The following TBC1D9 variants were observed in gnomAD, a reference collection of about 807,000 sequenced individuals.
The protein encoded by TBC1D9 is TBC1 domain family member 9A.
Under a neutral mutation model 132.0 loss-of-function variants are expected in TBC1D9, and 63 were observed. The ratio of observed to expected loss-of-function variants is 0.48; its 90% CI spans 0.39 to 0.59. The LOEUF (loss-of-function observed/expected upper bound fraction) is 0.59. TBC1D9 is among the 20% of genes least tolerant of loss of function. TBC1D9 has a pLI of 0.00. For missense variants in TBC1D9, 1,261 were observed against 1,592.7 expected (o/e 0.79, Z 3.54); for synonymous variants, 610 against 609.9 (o/e 1.00, Z 0.00).
At chr4:140,716,349 G>C (rs1738334147) in intron 1 of TBC1D9, among the ~76,000 whole-genome samples, 1 of 152,080 alleles carries the variant, frequency 6.6e-6, no homozygotes, top group South Asian at 2.1e-4. Context: ...AAATCAGCTG[G>C]GTGTAGTGGA....
At chr4:140,749,438 A>G (rs1738888286) in intron 1 of TBC1D9, among the ~76,000 whole-genome samples, 1 of 152,136 alleles carries the variant, frequency 6.6e-6, no homozygotes, top group African/African-American at 2.4e-5. Context: ...AGTATAAAGC[A>G]CTTAATAAAA....
intron 18 of TBC1D9, among the ~76,000 whole-genome samples, chr4:140,625,134 T>C (rs1350922560): frequency 6.6e-6 from 1 of 152,184 alleles, no homozygotes; most frequent in East Asian, 1.9e-4. Flanking sequence ...TGAATGTTGA[T>C]TTCTCTCCTG....
At chr4:140,736,771 A>C (rs1204257433) in intron 1 of TBC1D9, among the ~76,000 whole-genome samples, 1 of 152,164 alleles carries the variant, frequency 6.6e-6, no homozygotes, top group Non-Finnish European at 1.5e-5. Flanking sequence ...TTCAATCAGA[A>C]CTGTACAATG....
chr4:140,654,247 G>A (rs1270760774), intron 13 of TBC1D9, among the ~76,000 whole-genome samples: 1 of 152,186 alleles, frequency 6.6e-6, no homozygotes, highest in Non-Finnish European at 1.5e-5. Context: ...GGGTCGGGTT[G>A]TACAATCTAA....
At chr4:140,728,636 G>A (rs1461178279) in intron 1 of TBC1D9, among the ~76,000 whole-genome samples, 1 of 151,748 alleles carries the variant, frequency 6.6e-6, no homozygotes, top group African/African-American at 2.4e-5. Context: ...TGGGAAGCTG[G>A]GATTACAGGT....
intron 13 of TBC1D9, among the ~76,000 whole-genome samples, chr4:140,653,763 C>T (rs764612007): frequency 2.4e-4 from 37 of 152,148 alleles, no homozygotes; most frequent in Non-Finnish European, 4.0e-4. Context: ...CTAGTTATCA[C>T]GCACTGAAAG....
rs1263964542 is a variant in TBC1D9, at chr4:140,645,399, G to C, written c.2338-5971C>G. 1.1e-5 allele frequency: 5 copies of C among 458,922 alleles called. No homozygotes were observed. In the East Asian group the frequency reaches 3.4e-4, roughly 31 times the overall value. The allele number at this position is 458,922 out of a possible 1,614,324, so 28.4% of individuals were successfully genotyped here. A position where few individuals can be genotyped will look rare whatever the true frequency, so the allele number is the denominator to read the frequency against. On this transcript the variant is annotated intron_variant, in intron 13 of 20. Coordinates refer to ENST00000442267, the MANE Select transcript of TBC1D9 (RefSeq NM_015130.3). ...CACTTCTGCTTCACCCTGGACACCA[G>C]AGCCCGCGCATCCAAATGCCTTGGC...
In TBC1D9 at chr4:140,755,786, TACA is replaced by T. The variant is rs1210170254; in HGVS notation, c.130+127_130+129del. ...ACATCACGACTCTCGATGCCTCGCA[TACA>T]ACGAGGCAGGGCGGGTCGCCCAGCC... On this transcript the variant is annotated intron_variant, in intron 1 of 20. Transcript: ENST00000442267. The T allele has an allele frequency of 4.5e-6, 6 of 1,322,416 alleles. No homozygotes were observed. In the East Asian group the frequency reaches 1.2e-4, roughly 27 times the overall value. The allele number at this position is 1,322,416 out of a possible 1,614,324, so 81.9% of individuals were successfully genotyped here. A position where few individuals can be genotyped will look rare whatever the true frequency, so the allele number is the denominator to read the frequency against.
chr4:140,691,684 G>C (rs1737880325), intron 2 of TBC1D9, among the ~76,000 whole-genome samples: 1 of 152,196 alleles, frequency 6.6e-6, no homozygotes, highest in African/African-American at 2.4e-5. Flanking sequence ...CTAAAAACTA[G>C]AACACTTGAT....
intron 18 of TBC1D9, 50 bp downstream of exon 18, chr4:140,627,391 G>C (rs1362732239): frequency 8.4e-7 from 1 of 1,189,402 alleles, no homozygotes; most frequent in Non-Finnish European, 1.2e-6. Flanking sequence ...CAATAATGGA[G>C]GGCTCGGTAG....
chr4:140,651,885 T>C (rs1476841894), intron 13 of TBC1D9, among the ~76,000 whole-genome samples: 1 of 152,228 alleles, frequency 6.6e-6, no homozygotes, highest in Non-Finnish European at 1.5e-5. Flanking sequence ...GTGCTGATAA[T>C]GTATCCCCAG....
chr4:140,747,594 C>T (rs1738857489), intron 1 of TBC1D9, among the ~76,000 whole-genome samples: 1 of 151,974 alleles, frequency 6.6e-6, no homozygotes, highest in African/African-American at 2.4e-5. Flanking sequence ...AACAAGTTAC[C>T]ATACCTGAAA....
chr4:140,635,161 C>T (rs952425526), intron 15 of TBC1D9, among the ~76,000 whole-genome samples: 8 of 151,706 alleles, frequency 5.3e-5, no homozygotes, highest in Admixed American at 2.0e-4. Context: ...ACTATAAGCA[C>T]GAATAAATAT....
intron 13 of TBC1D9, chr4:140,645,171 A>T: frequency 1.8e-6 from 1 of 552,428 alleles, no homozygotes; most frequent in Non-Finnish European, 3.5e-6. Flanking sequence ...ACTCTCTCTG[A>T]GCAGCTTCTC....
At chr4:140,726,160 A>G (rs1738497950) in intron 1 of TBC1D9, among the ~76,000 whole-genome samples, 1 of 152,088 alleles carries the variant, frequency 6.6e-6, no homozygotes, top group Non-Finnish European at 1.5e-5. Context: ...GTGGTGGTGC[A>G]TGCCTGTAAT....
In TBC1D9 at chr4:140,642,069, C is replaced by T. The variant is rs1056319553; in HGVS notation, c.2338-2641G>A. Reference sequence around the variant, plus strand: ...TGGTGGCTGGCTTAGGTTTCAGAGTCCGGGAGGGGGCGGAGGAGGGGGTGT... The same window carrying T: ...TGGTGGCTGGCTTAGGTTTCAGAGTTCGGGAGGGGGCGGAGGAGGGGGTGT... On this transcript the variant is annotated intron_variant, in intron 13 of 20. Coordinates refer to ENST00000442267, the MANE Select transcript of TBC1D9 (RefSeq NM_015130.3). 2.7e-5 allele frequency: 19 copies of T among 695,344 alleles called. No homozygotes were observed. The African/African-American group carries it at 3.2e-4, about 12-fold the overall frequency. 43.1% of individuals were successfully genotyped at this position (695,344 alleles called of 1,614,324 possible).
chr4:140,743,873 C>T (rs1237377762), intron 1 of TBC1D9, among the ~76,000 whole-genome samples: 1 of 152,204 alleles, frequency 6.6e-6, no homozygotes, highest in Non-Finnish European at 1.5e-5. Context: ...CCTAGAGCAG[C>T]AGGTCTGCCT....
rs534804805 is a variant in TBC1D9 at position 140,674,710 on chromosome 4, T to G, written c.1059+2184A>C. Among the ~76,000 whole-genome samples the G allele has an allele frequency of 6.2e-4, 94 of 151,372 alleles. 1 individual carries two copies. Among genetic ancestry groups the G allele is most frequent in the African/African-American group, 2.0e-3 (84 of 41,366 alleles). ...ATATATATTTTTTTTTAATTTTTTATTTTTTAGAGATAAGGTCTTGCTCTG... is the reference window on the plus strand; with the variant it reads ...ATATATATTTTTTTTTAATTTTTTAGTTTTTAGAGATAAGGTCTTGCTCTG... On this transcript the variant is annotated intron_variant, in intron 6 of 20. Coordinates refer to ENST00000442267, the MANE Select transcript of TBC1D9 (RefSeq NM_015130.3).
chr4:140,658,491 G>C (rs1381310616), intron 11 of TBC1D9, among the ~76,000 whole-genome samples: 1 of 152,072 alleles, frequency 6.6e-6, no homozygotes, highest in Non-Finnish European at 1.5e-5. Context: ...CATGACTACA[G>C]TTCCAAATGT....
Sources: allele counts gnomAD v4.1 joint callset (sites outside exome capture counted in the v4.1 genomes callset), GRCh38; gene constraint gnomAD v4.1.1; transcripts MANE v1.5; gene names NCBI Gene and HGNC (gene_info 2026-07-23, HGNC 2026-07-21).